The following ESRRG variants were observed in gnomAD, a reference collection of about 807,000 sequenced individuals.
ESRRG encodes estrogen-related receptor gamma.
Under a neutral mutation model 44.0 loss-of-function variants are expected in ESRRG, and 13 were observed. That is an observed-to-expected ratio of 0.30 (90% CI 0.19 to 0.47). ESRRG has a LOEUF of 0.47. Ranked by LOEUF, ESRRG falls within the 20% of genes least tolerant of loss-of-function variation. The pLI is 1.00. For synonymous variants in ESRRG, 215 were observed against 214.6 expected, an observed-to-expected ratio of 1.00 and a Z score of -0.02; for missense variants, 395 against 580.6, an observed-to-expected ratio of 0.68 and a Z score of 3.29.
chr1:216,651,872 A>G (rs1433515069), intron 2 of ESRRG, among the ~76,000 whole-genome samples: 3 of 152,274 alleles, frequency 2.0e-5, no homozygotes, highest in South Asian at 4.1e-4. Flanking sequence ...TTAAAATGGC[A>G]ACTAAGAAAC....
chr1:217,015,453 G>T (rs1213966717), intron 1 of ESRRG, among the ~76,000 whole-genome samples: 4 of 152,046 alleles, frequency 2.6e-5, no homozygotes, highest in Admixed American at 6.6e-5. Context: ...CTTGAAACTT[G>T]GCTCAAACTA....
intron 2 of ESRRG, among the ~76,000 whole-genome samples, chr1:216,893,404 G>C (rs977841997): frequency 6.6e-6 from 1 of 151,830 alleles, no homozygotes; most frequent in African/African-American, 2.4e-5. Flanking sequence ...GTAGTGCCAG[G>C]GCCCCATGAG....
intron 1 of ESRRG, among the ~76,000 whole-genome samples, chr1:217,073,197 C>CAAAAAAAAAAAAAA: frequency 1.3e-5 from 1 of 75,986 alleles, no homozygotes; most frequent in Non-Finnish European, 2.4e-5. Flanking sequence ...CCTTTCTGGA[C>CAAAAAAAAAAAAAA]AAAAAAAAAA....
chr1:216,917,162 T>C, intron 2 of ESRRG, among the ~76,000 whole-genome samples: 1 of 150,734 alleles, frequency 6.6e-6, no homozygotes. Flanking sequence ...GACTTTCTTT[T>C]TTTTTTTTTT....
At chr1:216,881,530 G>A (rs2096447627) in intron 2 of ESRRG, among the ~76,000 whole-genome samples, 1 of 152,062 alleles carries the variant, frequency 6.6e-6, no homozygotes. Context: ...GTAGCTATAC[G>A]AAAGGAGGAG....
chr1:216,645,622 AGTC>A (rs2067374889), intron 3 of ESRRG, among the ~76,000 whole-genome samples: 2 of 152,076 alleles, frequency 1.3e-5, no homozygotes, highest in Non-Finnish European at 2.9e-5. Flanking sequence ...CTGTAATCCT[AGTC>A]CTTTGGGAGG....
At chr1:216,998,243 G>C (rs1156705359) in intron 1 of ESRRG, among the ~76,000 whole-genome samples, 2 of 152,132 alleles carry the variant, frequency 1.3e-5, no homozygotes, top group Non-Finnish European at 2.9e-5. Flanking sequence ...ATGTCAAATA[G>C]ATGTTTTATC....
chr1:216,863,333 T>G (rs1285392137), intron 2 of ESRRG: 1 of 152,200 alleles, frequency 6.6e-6, no homozygotes, highest in Non-Finnish European at 1.5e-5. Flanking sequence ...TTGAAAAGCT[T>G]TATTTTTTCC....
rs1571848202 is a variant in ESRRG at position 216,503,321 on chromosome 1, C to G, written c.*3618G>C. The G allele has an allele frequency of 6.6e-6, 1 of 152,340 alleles. No homozygotes were observed. Among genetic ancestry groups the G allele is most frequent in the Non-Finnish European group, 1.5e-5 (1 of 67,988 alleles). The allele number at this position is 152,340 out of a possible 1,614,324, so 9.4% of individuals were successfully genotyped here. A position where few individuals can be genotyped will look rare whatever the true frequency, so the allele number is the denominator to read the frequency against. ...AGGCATAATAATTTGAGTTACACAT[C>G]TGAACTGATTGGAGTTACAGAATCA... On this transcript the variant is annotated 3_prime_UTR_variant, in exon 7 of 7. Coordinates refer to ENST00000408911, the MANE Select transcript of ESRRG (RefSeq NM_001438.4).
intron 3 of ESRRG, among the ~76,000 whole-genome samples, chr1:216,578,644 C>A (rs2062129182): frequency 6.6e-6 from 1 of 152,142 alleles, no homozygotes; most frequent in East Asian, 1.9e-4. Flanking sequence ...TCTCAACCAA[C>A]TCTATATACC....
rs145640833 is a variant in ESRRG, at chr1:216,753,175, T to TACACACACAC, written c.-13-75694_-13-75685dup. Among the ~76,000 whole-genome samples, 266 of 149,008 alleles carry TACACACACAC rather than the reference T, an allele frequency of 1.8e-3. 1 individual carries two copies. Among genetic ancestry groups the TACACACACAC allele is most frequent in the African/African-American group, 6.2e-3 (251 of 40,546 alleles). Reference sequence around the variant, plus strand: ...AAAGGACCATATATCTATATATTGATACACACACACACACACACACAGAGT... The same window carrying TACACACACAC: ...AAAGGACCATATATCTATATATTGATACACACACACACACACACACACACACACACAGAGT... On this transcript the variant is annotated intron_variant, in intron 2 of 7. Transcript: ENST00000359162.
intron 5 of ESRRG, among the ~76,000 whole-genome samples, chr1:216,556,281 T>A (rs775207293): frequency 6.6e-6 from 1 of 152,042 alleles, no homozygotes; most frequent in Non-Finnish European, 1.5e-5. Flanking sequence ...GTTTTGATAA[T>A]CCTCAGGTAA....
At chr1:216,688,256 C>G (rs2078392604) in intron 1 of ESRRG, among the ~76,000 whole-genome samples, 1 of 152,148 alleles carries the variant, frequency 6.6e-6, no homozygotes, top group African/African-American at 2.4e-5. Context: ...AGCGGGAAAG[C>G]CATGTCTTTA....
chr1:217,110,863 C>T (rs2092653932), intron 1 of ESRRG, among the ~76,000 whole-genome samples: 1 of 152,128 alleles, frequency 6.6e-6, no homozygotes, highest in Non-Finnish European at 1.5e-5. Flanking sequence ...ATATTGCTGA[C>T]CATAGGGAAT....
chr1:216,750,002 T>C (rs1042807153), intron 2 of ESRRG, among the ~76,000 whole-genome samples: 1 of 152,204 alleles, frequency 6.6e-6, no homozygotes, highest in African/African-American at 2.4e-5. Flanking sequence ...AAAGATTTCA[T>C]GTTTTAAGCA....
At chr1:216,806,136 A>C (rs1332371046) in intron 2 of ESRRG, among the ~76,000 whole-genome samples, 3 of 152,238 alleles carry the variant, frequency 2.0e-5, no homozygotes, top group Non-Finnish European at 1.5e-5. Flanking sequence ...ATGTGCAAGC[A>C]AGTGGAACCA....
intron 2 of ESRRG, among the ~76,000 whole-genome samples, chr1:216,830,685 T>G (rs1339432239): frequency 6.6e-6 from 1 of 152,112 alleles, no homozygotes. Context: ...TGAGAGGATT[T>G]GTGGGCAGAC....
intron 1 of ESRRG, among the ~76,000 whole-genome samples, chr1:216,974,239 A>G (rs1469890304): frequency 1.3e-5 from 2 of 152,230 alleles, no homozygotes; most frequent in African/African-American, 2.4e-5. Context: ...GAATGTTCCC[A>G]AAACAAAGAA....
At chr1:216,543,028 C>T (rs146623613) in intron 5 of ESRRG, among the ~76,000 whole-genome samples, 12 of 152,104 alleles carry the variant, frequency 7.9e-5, no homozygotes, top group African/African-American at 2.6e-4. Flanking sequence ...AAAACACATA[C>T]GTTTCCACTC....
Sources: allele counts gnomAD v4.1 joint callset (sites outside exome capture counted in the v4.1 genomes callset), GRCh38; gene constraint gnomAD v4.1.1; transcripts MANE v1.5; gene names NCBI Gene and HGNC (gene_info 2026-07-23, HGNC 2026-07-21).